NFATC3: variants seen among roughly 807,000 people sequenced by gnomAD.
NFATC3 encodes nuclear factor of activated T cells 3, also known as nuclear factor of activated T-cells, cytoplasmic 3.
A neutral mutation model predicts 98.6 loss-of-function variants in NFATC3; 46 were observed. That is an observed-to-expected ratio of 0.47 (90% CI 0.37 to 0.60). NFATC3 has a LOEUF of 0.60. Among genes scored for constraint, NFATC3 ranks in the 20% least tolerant of loss-of-function variants. The pLI, the probability that NFATC3 is intolerant of heterozygous loss-of-function variation, is 0.00. For missense variants in NFATC3, 1,256 were observed against 1,295.5 expected, an observed-to-expected ratio of 0.97 and a Z score of 0.47; for synonymous variants, 512 against 472.2, an observed-to-expected ratio of 1.08 and a Z score of -1.09.
chr16:68,138,893 A>T, intron 3 of NFATC3: 1 of 726,220 alleles, frequency 1.4e-6, no homozygotes, highest in Non-Finnish European at 1.9e-6. Context: ...TGAATCCTGG[A>T]TTTTACTGTA....
chr16:68,167,043 G>T, intron 5 of NFATC3, 28 bp downstream of exon 5: 2 of 1,599,210 alleles, frequency 1.3e-6, no homozygotes, highest in Non-Finnish European at 1.7e-6. Context: ...GATGTTTTAA[G>T]ATCTTGTGTA....
At position 68,157,864 on chromosome 16, in the gene NFATC3, A is replaced by G; in HGVS notation, c.1402-5A>G. 1 of 1,608,408 alleles carries G rather than the reference A, an allele frequency of 6.2e-7. No homozygotes were observed. On this transcript the variant is annotated splice_polypyrimidine_tract_variant and splice_region_variant and intron_variant, in intron 3 of 9. Transcript: ENST00000346183. ...TGCTTTTCTGTGTTTCTTTTTCCTGATTAGCTCCTGGGCTATAACGAAAAG... is the reference window on the plus strand; with the variant it reads ...TGCTTTTCTGTGTTTCTTTTTCCTGGTTAGCTCCTGGGCTATAACGAAAAG...
chr16:68,210,590 A>T (rs1238587839), intron 9 of NFATC3, among the ~76,000 whole-genome samples: 1 of 151,988 alleles, frequency 6.6e-6, no homozygotes, highest in African/African-American at 2.4e-5. Context: ...AGTCAGGAGT[A>T]TGTTTTTTTT....
At chr16:68,193,656 A>G (rs1226722486) in intron 9 of NFATC3, among the ~76,000 whole-genome samples, 1 of 152,116 alleles carries the variant, frequency 6.6e-6, no homozygotes, top group African/African-American at 2.4e-5. Flanking sequence ...GTAGCAGGAA[A>G]GTGAGACCCT....
chr16:68,228,589 G>A lies in NFATC3; in HGVS notation c.*2118G>A, dbSNP rs1349133828. ...AATAAACATTAAATTTTAAAATAGA[G>A]CTTTGTATACTATGTAAGCAGTTTT... On this transcript the variant is annotated 3_prime_UTR_variant, in exon 10 of 10. Coordinates refer to ENST00000346183, the MANE Select transcript of NFATC3 (RefSeq NM_173165.3). The A allele has an allele frequency of 2.6e-5, 4 of 152,602 alleles. No homozygotes were observed. The highest frequency in any genetic ancestry group is 2.9e-5 in the Non-Finnish European group (2 of 68,032). The allele number at this position is 152,602 out of a possible 1,614,324, so 9.5% of individuals were successfully genotyped here.
Position 68,121,091 on chromosome 16 carries a change from CAAAA to C in NFATC3, c.104-887_104-884del, listed in dbSNP as rs528510702. Among the ~76,000 whole-genome samples the C allele has an allele frequency of 4.3e-5, 6 of 140,118 alleles. No homozygotes were observed. The East Asian group carries it at 1.2e-3, about 29-fold the overall frequency. 91.9% of individuals were successfully genotyped at this position (140,118 alleles called of 152,430 possible). ...TCTCATTGTGTATTTGTAAATGGGC[CAAAA>C]AAAAAAAATCCAAAATCCCAAGCAC... is the stretch of plus-strand genomic sequence containing the variant. On this transcript the variant is annotated intron_variant, in intron 1 of 9. Transcript: ENST00000346183.
intron 3 of NFATC3, among the ~76,000 whole-genome samples, chr16:68,140,810 C>T (rs1216881089): frequency 6.6e-6 from 1 of 152,112 alleles, no homozygotes; most frequent in Non-Finnish European, 1.5e-5. Context: ...TATTTTATTT[C>T]AGTAGCTTTT....
At chr16:68,218,125 G>C (rs535213333) in intron 9 of NFATC3, 1 of 745,754 alleles carries the variant, frequency 1.3e-6, no homozygotes, top group African/African-American at 1.9e-5. Context: ...AGTGGTGCAC[G>C]ATCATAGCTT....
At chr16:68,159,888 G>A (rs1174063656) in intron 4 of NFATC3, among the ~76,000 whole-genome samples, 1 of 150,984 alleles carries the variant, frequency 6.6e-6, no homozygotes, top group Non-Finnish European at 1.5e-5. Context: ...GACCAGCCTG[G>A]CCAACATGGT....
intron 6 of NFATC3, among the ~76,000 whole-genome samples, chr16:68,176,624 A>G (rs1195938302): frequency 3.9e-5 from 6 of 152,288 alleles, no homozygotes; most frequent in Admixed American, 1.3e-4. Flanking sequence ...TAGAGGTGAA[A>G]TGGTATTTTG....
chr16:68,195,243 G>A (rs531785548), intron 9 of NFATC3, among the ~76,000 whole-genome samples: 18 of 152,030 alleles, frequency 1.2e-4, no homozygotes, highest in Non-Finnish European at 2.2e-4. Context: ...CGACAAGAAC[G>A]ATACTCTGTC....
chr16:68,121,830 T>C lies in NFATC3; in HGVS notation c.104-157T>C, dbSNP rs529275141. ...CAGATGCATTGAAAAAACACACACA[T>C]GCCACTTCTTTAGTGGAGCTAATGA... On this transcript the variant is annotated intron_variant, in intron 1 of 9. Coordinates refer to ENST00000346183, the MANE Select transcript of NFATC3 (RefSeq NM_173165.3). Among the ~76,000 whole-genome samples, 190 of 152,240 alleles carry C rather than the reference T, an allele frequency of 1.2e-3. 2 individuals are homozygous for C. Among genetic ancestry groups the C allele is most frequent in the Non-Finnish European group, 2.6e-4 (18 of 68,018 alleles).
chr16:68,122,583 T>A lies in NFATC3; in HGVS notation c.700T>A (p.Ser234Thr). Residue 234 changes from serine (S) to threonine (T), a missense_variant, in exon 2 of 10, where the codon TCA becomes ACA. By Grantham distance (58) the Ser-to-Thr change is moderately conservative. Transcript: ENST00000346183. ...TWHQQYGLGH[S>T]LSPRQSPCHS... ...GCATCAACAGTATGGACTTGGACAC[T>A]CATTATCACCCAGGCAATCTCCTTG... 6.2e-7 allele frequency: 1 copy of A among 1,614,132 alleles called. No individual in the cohort carries two copies. The highest frequency in any genetic ancestry group is 8.5e-7 in the Non-Finnish European group (1 of 1,180,016).
chr16:68,123,430 G>A (rs1444788935), intron 2 of NFATC3, among the ~76,000 whole-genome samples: 1 of 151,134 alleles, frequency 6.6e-6, no homozygotes, highest in African/African-American at 2.4e-5. Context: ...GGAGGCTGAG[G>A]CAGGAGGATT....
At chr16:68,126,672 T>C in intron 3 of NFATC3, 62 bp downstream of exon 3, 1 of 1,556,076 alleles carries the variant, frequency 6.4e-7, no homozygotes. Flanking sequence ...TAGACAAGTC[T>C]ATTCAGTTAG....
At chr16:68,219,374 C>CT (rs1373930688) in intron 9 of NFATC3, among the ~76,000 whole-genome samples, 1 of 151,750 alleles carries the variant, frequency 6.6e-6, no homozygotes, top group East Asian at 1.9e-4. Context: ...CAGAGCAAGA[C>CT]TCTGTCTCAA....
chr16:68,093,025 C>T (rs1206078193), intron 1 of NFATC3, among the ~76,000 whole-genome samples: 1 of 152,306 alleles, frequency 6.6e-6, no homozygotes, highest in African/African-American at 2.4e-5. Context: ...AGGTTATCTT[C>T]AATTCCCACT....
rs2042042126 is a variant in NFATC3, at chr16:68,226,585, C to G, written c.*114C>G. The G allele has an allele frequency of 3.2e-6, 4 of 1,232,984 alleles. No individual in the cohort carries two copies. In the South Asian group the frequency reaches 8.5e-5, roughly 26 times the overall value. The allele number at this position is 1,232,984 out of a possible 1,614,324, so 76.4% of individuals were successfully genotyped here. A position where few individuals can be genotyped will look rare whatever the true frequency, so the allele number is the denominator to read the frequency against. On this transcript the variant is annotated 3_prime_UTR_variant, in exon 10 of 10. Coordinates refer to ENST00000346183, the MANE Select transcript of NFATC3 (RefSeq NM_173165.3). ...GTCTGGGGCCAGGAGTGGGACCCAC[C>G]ATTTGTGGGGAAAGTAGCATTCCTC...
At position 68,190,931 on chromosome 16, in the gene NFATC3, A is replaced by G; in HGVS notation, c.2262A>G (p.Thr754=). 3.7e-6 allele frequency: 6 copies of G among 1,614,240 alleles called. 2 individuals carry two copies. The South Asian group carries it at 6.6e-5, about 18-fold the overall frequency. Residue 754 remains threonine, a synonymous_variant, in exon 9 of 10, where the codon ACA becomes ACG. Coordinates refer to ENST00000346183, the MANE Select transcript of NFATC3 (RefSeq NM_173165.3). ...GTTTGATTTGCTCCATCCCACAAAC[A>G]TATGCATCCATGGTGACCTCATCCC... ...QRSLICSIPQ[T]YASMVTSSHL... is the part of the protein sequence containing the mutation.
Sources: allele counts gnomAD v4.1 joint callset (sites outside exome capture counted in the v4.1 genomes callset), GRCh38; gene constraint gnomAD v4.1.1; transcripts MANE v1.5; gene names NCBI Gene and HGNC (gene_info 2026-07-23, HGNC 2026-07-21).